Variants in AFG1L observed in about 807,000 individuals in gnomAD.
The protein encoded by AFG1L is AFG1-like ATPase.
Under a neutral mutation model 62.2 loss-of-function variants are expected in AFG1L, and 53 were observed. The ratio of observed to expected loss-of-function variants is 0.85; its 90% CI spans 0.68 to 1.07. The LOEUF (loss-of-function observed/expected upper bound fraction) is 1.07, where lower values mean the gene tolerates loss of function less well. Among genes scored for constraint, AFG1L ranks in the 50% least tolerant of loss-of-function variants. The pLI is 0.00. For missense variants in AFG1L, 555 were observed against 590.5 expected, an observed-to-expected ratio of 0.94 and a Z score of 0.62; for synonymous variants, 228 against 210.3, an observed-to-expected ratio of 1.08 and a Z score of -0.73.
At chr6:108,485,640 ATATATATATATATATATTTTTTTTT>A (rs1773519052) in intron 10 of AFG1L, among the ~76,000 whole-genome samples, 2 of 15,858 alleles carry the variant, frequency 1.3e-4, no homozygotes, top group African/African-American at 3.6e-4. Context: ...ATATATATAT[ATATATATATATATATATTTTTTTTT>A]TTTTTTTTTT....
chr6:108,396,445 T>C (rs1416593807), intron 6 of AFG1L, among the ~76,000 whole-genome samples: 1 of 152,204 alleles, frequency 6.6e-6, no homozygotes, highest in Non-Finnish European at 1.5e-5. Context: ...AAGAAATAGT[T>C]TTAAAATTTT....
intron 1 of AFG1L, among the ~76,000 whole-genome samples, chr6:108,300,651 C>T (rs1455155652): frequency 1.3e-5 from 2 of 151,292 alleles, no homozygotes; most frequent in Admixed American, 1.3e-4. Flanking sequence ...CCTTAATACT[C>T]ACTGGTTATA....
chr6:108,466,399 C>T (rs978442017), intron 8 of AFG1L, among the ~76,000 whole-genome samples: 1 of 152,150 alleles, frequency 6.6e-6, no homozygotes, highest in Non-Finnish European at 1.5e-5. Context: ...CACAAATGCT[C>T]ATTGTTGTGG....
chr6:108,420,226 A>G (rs1051777599), intron 7 of AFG1L, among the ~76,000 whole-genome samples: 10 of 152,054 alleles, frequency 6.6e-5, no homozygotes, highest in Admixed American at 5.9e-4. Context: ...AAAGAAACAA[A>G]AGACAGAACA....
chr6:108,312,541 A>G (rs917654660), intron 1 of AFG1L, among the ~76,000 whole-genome samples: 1 of 152,116 alleles, frequency 6.6e-6, no homozygotes, highest in African/African-American at 2.4e-5. Context: ...CTGGACGAAG[A>G]GAGAGACCTT....
chr6:108,319,453 C>G (rs992049702), intron 1 of AFG1L, among the ~76,000 whole-genome samples: 8 of 150,836 alleles, frequency 5.3e-5, no homozygotes, highest in African/African-American at 1.9e-4. Context: ...TTTTTTTTTT[C>G]CATCTGTAAA....
rs746327726 is a variant in AFG1L at position 108,355,658 on chromosome 6, A to G, written c.420A>G (p.Thr140=). The G allele has an allele frequency of 1.3e-6, 2 of 1,586,662 alleles. No individual in the cohort carries two copies. Among genetic ancestry groups the G allele is most frequent in the East Asian group, 2.2e-5 (1 of 44,590 alleles). ...RGLYVYGDVG[T]GKTMVMDMFY... is the part of the protein sequence containing the mutation. The stretch of plus-strand genomic sequence containing the variant: ...AAAATTTTTTTTATTTTTAAGGTAC[A>G]GGAAAAACAATGGTGATGGACATGT... Residue 140 remains threonine (T), a synonymous_variant, in exon 4 of 13, where the codon ACA becomes ACG. Coordinates refer to ENST00000368977, the MANE Select transcript of AFG1L (RefSeq NM_145315.5).
At chr6:108,484,290 A>G (rs1223788434) in intron 10 of AFG1L, among the ~76,000 whole-genome samples, 3 of 152,200 alleles carry the variant, frequency 2.0e-5, no homozygotes, top group Non-Finnish European at 4.4e-5. Context: ...CCGTGTCCAA[A>G]TAAGGTAGCC....
rs764983156 is a variant in AFG1L, at chr6:108,402,000, C to T, written c.753C>T (p.Leu251=). ...AATATCATTTTTTTCTTTCAGATCTCTATAAAAATGGACTCCAAAGAGCTA... is the reference window on the plus strand; with the variant it reads ...AATATCATTTTTTTCTTTCAGATCTTTATAAAAATGGACTCCAAAGAGCTA... The part of the protein sequence containing the change: ...VATSNRPPED[L]YKNGLQRANF... The change falls in exon 7 of 13, where the codon CTC becomes CTT. Residue 251 remains leucine, a synonymous_variant. Coordinates refer to ENST00000368977, the MANE Select transcript of AFG1L (RefSeq NM_145315.5). 2.8e-6 allele frequency: 4 copies of T among 1,450,884 alleles called. No individual in the cohort carries two copies. The highest frequency in any genetic ancestry group is 3.8e-6 in the Non-Finnish European group (4 of 1,066,204). 89.9% of individuals were successfully genotyped at this position (1,450,884 alleles called of 1,614,324 possible).
intron 4 of AFG1L, 48 bp from the exon 5 acceptor site, chr6:108,356,642 T>TA (rs1461559279): frequency 1.5e-6 from 2 of 1,323,258 alleles, no homozygotes; most frequent in Non-Finnish European, 2.0e-6. Context: ...TATAATTGTC[T>TA]AAAAAGTACT....
intron 7 of AFG1L, among the ~76,000 whole-genome samples, chr6:108,427,245 C>T (rs1418799424): frequency 1.3e-5 from 2 of 151,904 alleles, no homozygotes; most frequent in African/African-American, 4.8e-5. Context: ...CAGGACTACA[C>T]ACTTGGCTAA....
At chr6:108,314,506 C>T (rs1562468601) in intron 1 of AFG1L, among the ~76,000 whole-genome samples, 1 of 151,728 alleles carries the variant, frequency 6.6e-6, no homozygotes, top group Admixed American at 6.6e-5. Flanking sequence ...AAGCAGTTCT[C>T]CTACCTCAGC....
Position 108,519,681 on chromosome 6 carries a change from T to A in AFG1L, c.1204-16T>A, listed in dbSNP as rs763193712. 104 of 1,372,294 alleles carry A rather than the reference T, an allele frequency of 7.6e-5. No homozygotes were observed. In the African/African-American group the frequency reaches 1.3e-3, roughly 17 times the overall value. 85.0% of individuals were successfully genotyped at this position (1,372,294 alleles called of 1,614,324 possible). The stretch of plus-strand genomic sequence containing the variant: ...ATGTAAAGAGTAACACATTTACCCA[T>A]TTTCTTCTATTTCAGGTGCGTATAA... On this transcript the variant is annotated splice_polypyrimidine_tract_variant and intron_variant, in intron 11 of 12. Coordinates refer to ENST00000368977, the MANE Select transcript of AFG1L (RefSeq NM_145315.5).
At position 108,525,810 on chromosome 6, in the gene AFG1L, C is replaced by G. The variant is rs1775297449; in HGVS notation, c.*3385C>G. The stretch of plus-strand genomic sequence containing the variant: ...TATTAAATTTTCCATTTCATTGCCT[C>G]TGTCCTGAAAACAGTATTGCTGGTC... On this transcript the variant is annotated 3_prime_UTR_variant, in exon 13 of 13. Transcript: ENST00000368977. 1 of 152,236 alleles carries G rather than the reference C, an allele frequency of 6.6e-6. No individual in the cohort carries two copies. The highest frequency in any genetic ancestry group is 1.5e-5 in the Non-Finnish European group (1 of 68,040). The allele number at this position is 152,236 out of a possible 1,614,324, so 9.4% of individuals were successfully genotyped here.
At chr6:108,415,006 G>C (rs577518165) in intron 7 of AFG1L, among the ~76,000 whole-genome samples, 2 of 152,276 alleles carry the variant, frequency 1.3e-5, no homozygotes, top group East Asian at 3.9e-4. Flanking sequence ...TGACATGATT[G>C]TATATTTAGA....
chr6:108,344,806 A>G, intron 2 of AFG1L: 1 of 470,942 alleles, frequency 2.1e-6, no homozygotes, highest in Middle Eastern at 3.2e-4. Flanking sequence ...TATGAAGGTT[A>G]CTCGTCTAAG....
chr6:108,314,847 A>G (rs1777532528), intron 1 of AFG1L, among the ~76,000 whole-genome samples: 1 of 151,302 alleles, frequency 6.6e-6, no homozygotes, highest in African/African-American at 2.4e-5. Flanking sequence ...TAGTGCTTGT[A>G]CTTTTTTTTT....
intron 6 of AFG1L, among the ~76,000 whole-genome samples, chr6:108,379,454 T>G (rs1364400972): frequency 6.6e-6 from 1 of 152,204 alleles, no homozygotes; most frequent in East Asian, 1.9e-4. Flanking sequence ...AGAAGCTCTC[T>G]GTTGCTCCAG....
At chr6:108,323,523 A>C (rs1777902535) in intron 1 of AFG1L, among the ~76,000 whole-genome samples, 1 of 152,052 alleles carries the variant, frequency 6.6e-6, no homozygotes, top group Admixed American at 6.6e-5. Flanking sequence ...CACCATGCCC[A>C]GCTAATTTTT....
Sources: allele counts gnomAD v4.1 joint callset (sites outside exome capture counted in the v4.1 genomes callset), GRCh38; gene constraint gnomAD v4.1.1; transcripts MANE v1.5; gene names NCBI Gene and HGNC (gene_info 2026-07-23, HGNC 2026-07-21).